Variants in CDH13 observed in about 807,000 individuals in gnomAD.
CDH13 encodes cadherin-13.
CDH13 carries 24 observed loss-of-function variants against 63.8 expected under a neutral mutation model. The ratio of observed to expected loss-of-function variants is 0.38; its 90% CI spans 0.27 to 0.53. CDH13 has a LOEUF of 0.53. Ranked by LOEUF, CDH13 falls within the 20% of genes least tolerant of loss-of-function variation. CDH13 has a pLI of 0.85. For missense variants in CDH13, 1,049 were observed against 903.1 expected, an observed-to-expected ratio of 1.16 and a Z score of -2.07; for synonymous variants, 503 against 355.3, an observed-to-expected ratio of 1.42 and a Z score of -4.67.
chr16:83,521,737 C>T (rs967230011), intron 7 of CDH13, among the ~76,000 whole-genome samples: 6 of 152,188 alleles, frequency 3.9e-5, no homozygotes, highest in Admixed American at 6.5e-5. Context: ...CCATGGGATG[C>T]AACCTGGGTG....
chr16:83,503,410 G>A (rs1567718180), intron 7 of CDH13, among the ~76,000 whole-genome samples: 1 of 152,172 alleles, frequency 6.6e-6, no homozygotes, highest in Middle Eastern at 3.2e-3. Flanking sequence ...ACATCTACCT[G>A]GGTGGAGCCC....
chr16:83,277,959 A>T (rs1192273678), intron 5 of CDH13, among the ~76,000 whole-genome samples: 1 of 152,190 alleles, frequency 6.6e-6, no homozygotes, highest in African/African-American at 2.4e-5. Context: ...ATTCAGTGAA[A>T]TGCTATATCA....
intron 2 of CDH13, among the ~76,000 whole-genome samples, chr16:82,899,406 A>G (rs1380650773): frequency 6.6e-6 from 1 of 152,242 alleles, no homozygotes; most frequent in Non-Finnish European, 1.5e-5. Context: ...TTTATCTGCA[A>G]TGCACTTCTA....
rs377308691 is a variant in CDH13, at chr16:82,683,424, A to T, written c.45+56287A>T. Reference sequence around the variant, plus strand: ...AAAGTGGCCATGCCATGAATCTTCCATAGCCCGATGCAATGTCACCCCAGT... The same window carrying T: ...AAAGTGGCCATGCCATGAATCTTCCTTAGCCCGATGCAATGTCACCCCAGT... On this transcript the variant is annotated intron_variant, in intron 1 of 13. Transcript: ENST00000567109. Among the ~76,000 whole-genome samples, 20 of 152,308 alleles carry T rather than the reference A, an allele frequency of 1.3e-4. No individual in the cohort carries two copies. The East Asian group carries it at 3.9e-3, about 29-fold the overall frequency.
chr16:82,826,496 T>G (rs1410607037), intron 1 of CDH13: 1 of 152,204 alleles, frequency 6.6e-6, no homozygotes, highest in Non-Finnish European at 1.5e-5. Context: ...CTGTACATGA[T>G]CAGAATCCTA....
At chr16:83,203,379 CAT>C (rs1383216083) in intron 4 of CDH13, among the ~76,000 whole-genome samples, 1 of 151,874 alleles carries the variant, frequency 6.6e-6, no homozygotes, top group African/African-American at 2.4e-5. Flanking sequence ...TCTAAAATAA[CAT>C]AGTAAAATAA....
intron 2 of CDH13, among the ~76,000 whole-genome samples, chr16:82,976,700 A>G (rs1441534417): frequency 1.3e-5 from 2 of 152,178 alleles, no homozygotes; most frequent in African/African-American, 4.8e-5. Context: ...AGACTCCCAA[A>G]TAGGGCTGTT....
At chr16:83,294,688 C>A (rs538468670) in intron 5 of CDH13, among the ~76,000 whole-genome samples, 47 of 151,862 alleles carry the variant, frequency 3.1e-4, no homozygotes, top group African/African-American at 1.1e-3. Flanking sequence ...AGTGAATGAT[C>A]TTTACACTGA....
intron 9 of CDH13, among the ~76,000 whole-genome samples, chr16:83,674,580 G>T (rs989795899): frequency 1.3e-5 from 2 of 152,212 alleles, no homozygotes; most frequent in African/African-American, 2.4e-5. Flanking sequence ...TAAGGCAGAG[G>T]GGGGCTGGTG....
chr16:82,926,051 T>A (rs905317835), intron 2 of CDH13: 1 of 151,966 alleles, frequency 6.6e-6, no homozygotes, highest in Non-Finnish European at 1.5e-5. Flanking sequence ...AAAATAAAAA[T>A]AAAAAAGACA....
intron 5 of CDH13, among the ~76,000 whole-genome samples, chr16:83,260,947 C>G (rs1030597260): frequency 1.3e-5 from 2 of 152,048 alleles, no homozygotes; most frequent in African/African-American, 2.4e-5. Flanking sequence ...ATCGGGGGAG[C>G]TCTGGGCTTT....
chr16:82,755,739 T>G (rs1429751265), intron 1 of CDH13, among the ~76,000 whole-genome samples: 1 of 152,222 alleles, frequency 6.6e-6, no homozygotes, highest in African/African-American at 2.4e-5. Flanking sequence ...AAACAAGAAC[T>G]AAACTAGAAT....
intron 11 of CDH13, among the ~76,000 whole-genome samples, chr16:83,753,373 A>G (rs1913247358): frequency 3.3e-5 from 5 of 152,164 alleles, no homozygotes; most frequent in Admixed American, 3.3e-4. Flanking sequence ...GCAAAACTCC[A>G]TCCCGAAAAA....
intron 6 of CDH13, among the ~76,000 whole-genome samples, chr16:83,390,404 G>C (rs1194348704): frequency 6.6e-6 from 1 of 152,016 alleles, no homozygotes; most frequent in African/African-American, 2.4e-5. Context: ...GGGCCCTGGA[G>C]CAGTAGATCT....
At chr16:82,964,913 T>G (rs1233659917) in intron 2 of CDH13, among the ~76,000 whole-genome samples, 1 of 152,126 alleles carries the variant, frequency 6.6e-6, no homozygotes. Context: ...TATAGGGGAA[T>G]GGTTGGCAGG....
At chr16:83,091,721 A>G (rs934018097) in intron 3 of CDH13, among the ~76,000 whole-genome samples, 3 of 152,238 alleles carry the variant, frequency 2.0e-5, no homozygotes, top group East Asian at 3.8e-4. Context: ...TATTCACTTC[A>G]TAAGGGAAGG....
chr16:83,293,923 T>G (rs1237517720), intron 5 of CDH13, among the ~76,000 whole-genome samples: 5 of 152,196 alleles, frequency 3.3e-5, no homozygotes, highest in African/African-American at 1.2e-4. Flanking sequence ...ATTATCTCAT[T>G]TAACTCCCAT....
intron 2 of CDH13, among the ~76,000 whole-genome samples, chr16:83,012,853 T>G (rs74030355): frequency 0.031 from 4,743 of 152,320 alleles, 241 homozygotes; most frequent in African/African-American, 0.11. Flanking sequence ...TCTTGAGAAT[T>G]TATTTTAAAT....
Position 83,797,016 on chromosome 16 carries a change from G to A in CDH13, c.*1986G>A, listed in dbSNP as rs550782140. 102 of 152,276 alleles carry A rather than the reference G, an allele frequency of 6.7e-4. No homozygotes were observed. Among genetic ancestry groups the A allele is most frequent in the African/African-American group, 2.4e-3 (100 of 41,554 alleles). 9.4% of individuals were successfully genotyped at this position (152,276 alleles called of 1,614,324 possible). On this transcript the variant is annotated 3_prime_UTR_variant, in exon 14 of 14. Transcript: ENST00000567109. ...CCACGAGCACATGCCCCCGACTCAG[G>A]GACAGGGGAATCTAAGCCTGTGCAT...
Sources: allele counts gnomAD v4.1 joint callset (sites outside exome capture counted in the v4.1 genomes callset), GRCh38; gene constraint gnomAD v4.1.1; transcripts MANE v1.5; gene names NCBI Gene and HGNC (gene_info 2026-07-23, HGNC 2026-07-21).